The following APBB2 variants were observed in gnomAD, a reference collection of about 807,000 sequenced individuals.
APBB2 encodes the protein Fe65-like 1.
In APBB2, 38 loss-of-function variants were observed where a neutral mutation model predicts 82.5. The observed-to-expected ratio is 0.46, with a 90% CI of 0.36 to 0.60. APBB2 has a LOEUF of 0.60. Among genes scored for constraint, APBB2 ranks in the 20% least tolerant of loss-of-function variants. APBB2 has a pLI of 0.00. For missense variants in APBB2, 772 were observed against 972.3 expected, an observed-to-expected ratio of 0.79 and a Z score of 2.74; for synonymous variants, 341 against 368.2, an observed-to-expected ratio of 0.93 and a Z score of 0.85.
At chr4:40,991,211 C>T (rs1202514833) in intron 6 of APBB2, among the ~76,000 whole-genome samples, 6 of 116,708 alleles carry the variant, frequency 5.1e-5, no homozygotes, top group Non-Finnish European at 8.4e-5. Flanking sequence ...GAAATGAGAT[C>T]TCACCATTTT....
In APBB2 at chr4:40,952,185, CAA is replaced by C. The variant is rs61159163; in HGVS notation, c.836-7114_836-7113del. On this transcript the variant is annotated intron_variant, in intron 6 of 17. Transcript: ENST00000508593. ...TGGGTGACAGAGCGAGACTCTGTCT[CAA>C]AAAAAAAAAAAAAAAAAAAGGACAA... Among the ~76,000 whole-genome samples the C allele has an allele frequency of 3.1e-3, 346 of 111,120 alleles. 1 individual carries two copies. The highest frequency in any genetic ancestry group is 8.2e-3 in the South Asian group (26 of 3,154). 72.9% of individuals were successfully genotyped at this position (111,120 alleles called of 152,430 possible). A position where few individuals can be genotyped will look rare whatever the true frequency, so the allele number is the denominator to read the frequency against.
At chr4:41,058,947 A>G (rs1728774414) in intron 4 of APBB2, among the ~76,000 whole-genome samples, 1 of 152,212 alleles carries the variant, frequency 6.6e-6, no homozygotes, top group Admixed American at 6.5e-5. Flanking sequence ...CCAAAGATAG[A>G]ACTTAAAGTC....
chr4:41,184,378 G>T (rs1375344974), intron 1 of APBB2, among the ~76,000 whole-genome samples: 2 of 152,146 alleles, frequency 1.3e-5, no homozygotes, highest in African/African-American at 4.8e-5. Flanking sequence ...AAAAGGCAAT[G>T]GCCAAAAGAC....
chr4:40,977,555 CT>C (rs1182837580), intron 6 of APBB2, among the ~76,000 whole-genome samples: 2 of 152,170 alleles, frequency 1.3e-5, no homozygotes, highest in Non-Finnish European at 2.9e-5. Context: ...TCAGGTGATC[CT>C]CCCACTTCGG....
chr4:40,838,265 T>C (rs1241923748), intron 12 of APBB2, among the ~76,000 whole-genome samples: 2 of 147,192 alleles, frequency 1.4e-5, no homozygotes, highest in Admixed American at 6.8e-5. Flanking sequence ...TGGGTTCAAG[T>C]GATTCTCATG....
chr4:40,822,254 C>T, intron 16 of APBB2: 1 of 580,716 alleles, frequency 1.7e-6, no homozygotes, highest in Non-Finnish European at 3.1e-6. Flanking sequence ...CATTCTTGCT[C>T]TGAACTACAC....
rs190737238 is a variant in APBB2 at position 40,940,437 on chromosome 4, G to A, written c.1044+4428C>T. Among the ~76,000 whole-genome samples the A allele has an allele frequency of 1.1e-3, 172 of 152,254 alleles. 1 individual carries two copies. Among genetic ancestry groups the A allele is most frequent in the Non-Finnish European group, 6.6e-4 (45 of 68,016 alleles). ...CCTCGGCTCACTGGCTGAGAAATAC[G>A]GCCTGCACATTCAACAGGCCCTGCT... is the stretch of plus-strand genomic sequence containing the variant. On this transcript the variant is annotated intron_variant, in intron 7 of 17. Transcript: ENST00000508593.
intron 10 of APBB2, among the ~76,000 whole-genome samples, chr4:40,913,173 C>T (rs73242098): frequency 0.12 from 18,383 of 152,066 alleles, 1,276 homozygotes; most frequent in Admixed American, 0.21. Flanking sequence ...GCAGAGACAG[C>T]CTGCAGTCAG....
chr4:40,880,281 T>C lies in APBB2; in HGVS notation c.1529+10083A>G, dbSNP rs897693447. ...ATGAGACTCCTTGAGTTCCACCTGA[T>C]GTTCTCAAATTCTTCTTTCCCAGTG... On this transcript the variant is annotated intron_variant, in intron 12 of 17. Transcript: ENST00000508593. The C allele has an allele frequency of 7.1e-6, 7 of 985,318 alleles. No individual in the cohort carries two copies. The African/African-American group carries it at 1.0e-4, about 15-fold the overall frequency. The allele number at this position is 985,318 out of a possible 1,614,324, so 61.0% of individuals were successfully genotyped here. A position where few individuals can be genotyped will look rare whatever the true frequency, so the allele number is the denominator to read the frequency against.
intron 6 of APBB2, among the ~76,000 whole-genome samples, chr4:41,012,595 G>A (rs11934891): frequency 0.046 from 6,982 of 152,006 alleles, 337 homozygotes; most frequent in African/African-American, 0.13. Flanking sequence ...ACAAGTTAAT[G>A]TCTTAACTCC....
At chr4:40,965,844 A>G (rs567715455) in intron 6 of APBB2, among the ~76,000 whole-genome samples, 1 of 152,330 alleles carries the variant, frequency 6.6e-6, no homozygotes, top group African/African-American at 2.4e-5. Flanking sequence ...ATGTGGTCCC[A>G]TGACTGGAAG....
rs1307810587 is a variant in APBB2 at position 40,815,401 on chromosome 4, C to T, written c.*691G>A. The T allele has an allele frequency of 6.6e-6, 1 of 152,414 alleles. No individual in the cohort carries two copies. The highest frequency in any genetic ancestry group is 1.9e-4 in the East Asian group (1 of 5,198). The allele number at this position is 152,414 out of a possible 1,614,324, so 9.4% of individuals were successfully genotyped here. A position where few individuals can be genotyped will look rare whatever the true frequency, so the allele number is the denominator to read the frequency against. On this transcript the variant is annotated 3_prime_UTR_variant, in exon 18 of 18. Transcript: ENST00000508593. ...CGGAAAAGAAAGGCTATGTTTTGTTCGATTTTAATTCCTCGAATTTAGTTT... is the reference window on the plus strand; with the variant it reads ...CGGAAAAGAAAGGCTATGTTTTGTTTGATTTTAATTCCTCGAATTTAGTTT...
intron 1 of APBB2, among the ~76,000 whole-genome samples, chr4:41,169,001 G>T (rs150716482): frequency 1.1e-4 from 16 of 151,908 alleles, no homozygotes; most frequent in African/African-American, 3.4e-4. Context: ...CCTGGCCAAG[G>T]TAGTGAGACC....
At chr4:40,950,641 T>A (rs554274030) in intron 6 of APBB2, among the ~76,000 whole-genome samples, 35 of 152,204 alleles carry the variant, frequency 2.3e-4, no homozygotes, top group Middle Eastern at 3.4e-3. Flanking sequence ...AGGTCAGGGA[T>A]TTGAGACCAG....
chr4:40,949,969 G>A (rs1205870167), intron 6 of APBB2, among the ~76,000 whole-genome samples: 2 of 152,144 alleles, frequency 1.3e-5, no homozygotes, highest in Non-Finnish European at 2.9e-5. Flanking sequence ...ATTCGGCACT[G>A]GACAGCCTAA....
intron 12 of APBB2, among the ~76,000 whole-genome samples, chr4:40,867,615 T>A (rs1764358251): frequency 6.6e-6 from 1 of 152,168 alleles, no homozygotes; most frequent in South Asian, 2.1e-4. Flanking sequence ...TGAATTTTCA[T>A]CCGCCTAAAT....
At position 40,985,839 on chromosome 4, in the gene APBB2, T is replaced by C. The variant is rs1800278602; in HGVS notation, c.835+27744A>G. 2.0e-5 allele frequency among the ~76,000 whole-genome samples: 3 copies of C among 152,344 alleles called. No individual in the cohort carries two copies. In the South Asian group the frequency reaches 6.2e-4, roughly 32 times the overall value. The stretch of plus-strand genomic sequence containing the variant: ...GAAAAAGATGAGTATCAGTAATTTC[T>C]AGAAAGTTGAGCAAAGCATTTCTAG... On this transcript the variant is annotated intron_variant, in intron 6 of 17. Transcript: ENST00000508593.
Position 40,890,470 on chromosome 4 carries a change from G to C in APBB2, c.1423C>G (p.Leu475Val). Reference sequence around the variant, plus strand: ...ACCAGGCTGAGCATGTCATTCTCCAGGATCAGGTACATGTCTTTCCCCTGG... The same window carrying C: ...ACCAGGCTGAGCATGTCATTCTCCACGATCAGGTACATGTCTTTCCCCTGG... ...WGEGKDMYLI[L>V]ENDMLSLVDP... Residue 475 changes from leucine to valine, a missense_variant, in exon 12 of 18, where the codon CTG becomes GTG. Coordinates refer to ENST00000508593, the MANE Select transcript of APBB2 (RefSeq NM_004307.2). The C allele has an allele frequency of 6.2e-7, 1 of 1,614,062 alleles. No individual in the cohort carries two copies. Among genetic ancestry groups the C allele is most frequent in the Non-Finnish European group, 8.5e-7 (1 of 1,179,996 alleles).
chr4:41,025,026 T>C (rs781348588), intron 5 of APBB2, among the ~76,000 whole-genome samples: 6 of 152,202 alleles, frequency 3.9e-5, no homozygotes, highest in Non-Finnish European at 7.3e-5. Context: ...CTTTTAGAAA[T>C]GTGTCTAAAA....
Sources: allele counts gnomAD v4.1 joint callset (sites outside exome capture counted in the v4.1 genomes callset), GRCh38; gene constraint gnomAD v4.1.1; transcripts MANE v1.5; gene names NCBI Gene and HGNC (gene_info 2026-07-23, HGNC 2026-07-21).